The following PTP4A3 variants were observed in gnomAD, a reference collection of about 807,000 sequenced individuals.
The protein encoded by PTP4A3 is protein tyrosine phosphatase 4A3.
Under a neutral mutation model 15.2 loss-of-function variants are expected in PTP4A3, and 9 were observed. The ratio of observed to expected loss-of-function variants is 0.59; its 90% CI spans 0.36 to 1.03. The LOEUF (loss-of-function observed/expected upper bound fraction) is 1.03. PTP4A3 is among the 50% of genes least tolerant of loss of function. The pLI, the probability that PTP4A3 is intolerant of heterozygous loss-of-function variation, is 0.02. For synonymous variants in PTP4A3, 95 were observed against 102.0 expected (o/e 0.93, Z 0.41); for missense variants, 234 against 252.1 (o/e 0.93, Z 0.49).
At chr8:141,422,407 T>C in intron 2 of PTP4A3, 62 bp downstream of exon 2, 2 of 1,587,802 alleles carry the variant, frequency 1.3e-6, no homozygotes, top group African/African-American at 1.3e-5. Context: ...CCGGCTGAGC[T>C]GCCCTCAGGC....
In PTP4A3 at chr8:141,407,370, C is replaced by T. The variant is rs532275411; in HGVS notation, c.-853-14018C>T. Among the ~76,000 whole-genome samples, 3 of 152,294 alleles carry T rather than the reference C, an allele frequency of 2.0e-5. No homozygotes were observed. The South Asian group carries it at 6.2e-4, about 32-fold the overall frequency. On this transcript the variant is annotated intron_variant, in intron 1 of 5. Coordinates refer to ENST00000521578, the MANE Select transcript of PTP4A3 (RefSeq NM_032611.3). ...GTTGTGGGTGATGGTTAAGGTGTAG[C>T]CCTCTTCCCAACCTTGCACAGCCCC...
At chr8:141,399,062 C>T (rs954273796) in intron 1 of PTP4A3, among the ~76,000 whole-genome samples, 3 of 151,762 alleles carry the variant, frequency 2.0e-5, no homozygotes, top group Admixed American at 6.6e-5. Flanking sequence ...GGAAGAGGCT[C>T]GGGAGGGCTC....
chr8:141,393,404 CTG>C (rs1211892952), intron 1 of PTP4A3, among the ~76,000 whole-genome samples: 1 of 152,238 alleles, frequency 6.6e-6, no homozygotes, highest in East Asian at 1.9e-4. Flanking sequence ...AGAAGCTGCC[CTG>C]TGTAGGAATT....
intron 1 of PTP4A3, among the ~76,000 whole-genome samples, chr8:141,418,360 C>T (rs1302006260): frequency 6.6e-6 from 1 of 152,196 alleles, no homozygotes; most frequent in East Asian, 1.9e-4. Flanking sequence ...CGGTAGCCTC[C>T]CTGAACCTCG....
chr8:141,428,214 A>G (rs1415916249), intron 5 of PTP4A3, among the ~76,000 whole-genome samples: 2 of 152,074 alleles, frequency 1.3e-5, no homozygotes, highest in Non-Finnish European at 2.9e-5. Flanking sequence ...GGACGCTGAC[A>G]GTGGGCTAGT....
At chr8:141,430,622 C>T (rs116523950) in intron 5 of PTP4A3, among the ~76,000 whole-genome samples, 1,887 of 152,314 alleles carry the variant, frequency 0.012, 32 homozygotes, top group African/African-American at 0.043. Context: ...GTTGTCTGCT[C>T]ATGGCCTTGG....
intron 1 of PTP4A3, among the ~76,000 whole-genome samples, chr8:141,394,199 C>T (rs998718717): frequency 2.6e-5 from 4 of 152,138 alleles, no homozygotes; most frequent in African/African-American, 9.7e-5. Context: ...CAGGTCCTGG[C>T]GAAAGGGTGA....
chr8:141,415,596 G>C (rs1191774343), intron 1 of PTP4A3, among the ~76,000 whole-genome samples: 1 of 141,296 alleles, frequency 7.1e-6, no homozygotes, highest in South Asian at 2.4e-4. Flanking sequence ...CATGACTCCG[G>C]GTGGGCCCTT....
chr8:141,426,515 A>C, intron 3 of PTP4A3: 7 of 985,386 alleles, frequency 7.1e-6, no homozygotes, highest in Non-Finnish European at 8.4e-6. Context: ...CCATCTTTGC[A>C]TGCCAGCACA....
At chr8:141,426,224 G>C (rs1037459814) in intron 3 of PTP4A3, among the ~76,000 whole-genome samples, 2 of 152,162 alleles carry the variant, frequency 1.3e-5, no homozygotes, top group Non-Finnish European at 1.5e-5. Flanking sequence ...GCATGAACCC[G>C]CCTTCCCAAG....
At chr8:141,411,856 T>C (rs942299049) in intron 1 of PTP4A3, among the ~76,000 whole-genome samples, 3 of 125,094 alleles carry the variant, frequency 2.4e-5, no homozygotes, top group South Asian at 4.9e-4. Flanking sequence ...TTGGCTGTTT[T>C]AAGAAGAAAA....
intron 5 of PTP4A3, among the ~76,000 whole-genome samples, chr8:141,428,044 G>A (rs1248612590): frequency 2.0e-5 from 3 of 151,988 alleles, no homozygotes; most frequent in African/African-American, 7.3e-5. Flanking sequence ...GGGACACAGC[G>A]AGGCCACCCG....
rs572053793 is a variant in PTP4A3, at chr8:141,406,856, T to G, written c.-853-14532T>G. Among the ~76,000 whole-genome samples, 1 of 152,306 alleles carries G rather than the reference T, an allele frequency of 6.6e-6. No individual in the cohort carries two copies. The highest frequency in any genetic ancestry group is 1.5e-5 in the Non-Finnish European group (1 of 68,034). ...GTTCCCACTGAGCGAATTAAATAAG[T>G]CTTTGCCCTGTGCCCACTGTATGTG... On this transcript the variant is annotated intron_variant, in intron 1 of 5. Coordinates refer to ENST00000521578, the MANE Select transcript of PTP4A3 (RefSeq NM_032611.3). The surrounding 1 kb of genome is among the most constrained non-coding windows in gnomAD (Gnocchi z 4.5).
At chr8:141,397,879 T>A (rs1189427838) in intron 1 of PTP4A3, among the ~76,000 whole-genome samples, 2 of 152,230 alleles carry the variant, frequency 1.3e-5, no homozygotes, top group African/African-American at 4.8e-5. Flanking sequence ...ACTAGCCCGC[T>A]CTCTGTCCAG....
chr8:141,398,896 C>T (rs1832515489), intron 1 of PTP4A3, among the ~76,000 whole-genome samples: 1 of 152,114 alleles, frequency 6.6e-6, no homozygotes, highest in African/African-American at 2.4e-5. Flanking sequence ...CTCGTCCTCA[C>T]CCGCCACGGA....
In PTP4A3 at chr8:141,421,900, C is replaced by T. The variant is rs1229993798; in HGVS notation, c.-341C>T. ...TTTGGTTGTTCTTTTTATTTTTTGCCTCTTTATGACTATCCAGCTCTGAGA... is the reference window on the plus strand; with the variant it reads ...TTTGGTTGTTCTTTTTATTTTTTGCTTCTTTATGACTATCCAGCTCTGAGA... On this transcript the variant is annotated 5_prime_UTR_variant, in exon 2 of 6. Coordinates refer to ENST00000521578, the MANE Select transcript of PTP4A3 (RefSeq NM_032611.3). 1.2e-5 allele frequency: 3 copies of T among 254,548 alleles called. No homozygotes were observed. The highest frequency in any genetic ancestry group is 7.8e-5 in the East Asian group (1 of 12,874). 15.8% of individuals were successfully genotyped at this position (254,548 alleles called of 1,614,324 possible).
chr8:141,414,337 G>C (rs376506040), intron 1 of PTP4A3, among the ~76,000 whole-genome samples: 1 of 151,908 alleles, frequency 6.6e-6, no homozygotes, highest in South Asian at 2.1e-4. Flanking sequence ...AAAAGGGGCC[G>C]AGTGTGGCCC....
intron 1 of PTP4A3, among the ~76,000 whole-genome samples, chr8:141,393,878 T>C (rs1832369114): frequency 6.6e-6 from 1 of 152,148 alleles, no homozygotes; most frequent in South Asian, 2.1e-4. Context: ...GGAGGCACCA[T>C]GGGTGGCTGG....
chr8:141,419,347 C>T (rs757633547), intron 1 of PTP4A3, among the ~76,000 whole-genome samples: 58 of 152,202 alleles, frequency 3.8e-4, no homozygotes, highest in Non-Finnish European at 6.6e-4. Context: ...TTCTTCCTTT[C>T]TTTCTGTAAA....
Sources: allele counts gnomAD v4.1 joint callset (sites outside exome capture counted in the v4.1 genomes callset), GRCh38; gene constraint gnomAD v4.1.1; non-coding constraint Gnocchi (gnomAD v3.1); transcripts MANE v1.5; gene names NCBI Gene and HGNC (gene_info 2026-07-23, HGNC 2026-07-21).